APBB2: variants seen among roughly 807,000 people sequenced by gnomAD.
The protein encoded by APBB2 is amyloid beta precursor protein binding family B member 2.
In APBB2, 38 loss-of-function variants were observed where a neutral mutation model predicts 82.5. The observed-to-expected ratio is 0.46, with a 90% confidence interval of 0.36 to 0.60. The LOEUF is 0.60. Ranked by LOEUF, APBB2 falls within the 20% of genes least tolerant of loss-of-function variation. The pLI is 0.00. For synonymous variants in APBB2, 341 were observed against 368.2 expected (o/e 0.93, Z 0.85); for missense variants, 772 against 972.3 (o/e 0.79, Z 2.74).
At chr4:41,194,305 G>A in intron 1 of APBB2, among the ~76,000 whole-genome samples, 1 of 152,324 alleles carries the variant, frequency 6.6e-6, no homozygotes, top group East Asian at 1.9e-4. Context: ...CTGGGCAACA[G>A]AGCGAAACTC....
At chr4:40,824,976 C>G (rs895338345) in intron 15 of APBB2, among the ~76,000 whole-genome samples, 1 of 152,200 alleles carries the variant, frequency 6.6e-6, no homozygotes, top group Non-Finnish European at 1.5e-5. Context: ...AGTATGCAGT[C>G]TTTTGGGACT....
chr4:40,883,002 C>G (rs926665619), intron 12 of APBB2, among the ~76,000 whole-genome samples: 1 of 152,050 alleles, frequency 6.6e-6, no homozygotes, highest in Non-Finnish European at 1.5e-5. Flanking sequence ...AACTTGGAGA[C>G]AAGTCACTTG....
At chr4:40,825,736 G>A (rs1310788696) in intron 15 of APBB2, 151 bp downstream of exon 15, 22 of 652,298 alleles carry the variant, frequency 3.4e-5, no homozygotes, top group East Asian at 1.7e-4. Context: ...GATCAGGACC[G>A]TTTATGTTCT....
chr4:41,033,019 G>A (rs991266090), intron 5 of APBB2, among the ~76,000 whole-genome samples: 14 of 151,696 alleles, frequency 9.2e-5, no homozygotes, highest in South Asian at 6.3e-4. Context: ...TCCTGACCTC[G>A]TGATCCGCCG....
At chr4:41,095,707 C>G (rs1250077096) in intron 3 of APBB2, among the ~76,000 whole-genome samples, 1 of 151,910 alleles carries the variant, frequency 6.6e-6, no homozygotes, top group Non-Finnish European at 1.5e-5. Context: ...ATCTGCTGCT[C>G]ACACGTACAC....
intron 1 of APBB2, among the ~76,000 whole-genome samples, chr4:41,146,112 G>A (rs1203850119): frequency 6.6e-6 from 1 of 152,070 alleles, no homozygotes; most frequent in Non-Finnish European, 1.5e-5. Context: ...GATAACTTGA[G>A]GCCAGGAGTT....
intron 12 of APBB2, among the ~76,000 whole-genome samples, chr4:40,869,938 C>T (rs940175687): frequency 6.6e-6 from 1 of 151,648 alleles, no homozygotes; most frequent in Non-Finnish European, 1.5e-5. Flanking sequence ...TTGTGGGTAT[C>T]TCCTGAAATG....
intron 10 of APBB2, among the ~76,000 whole-genome samples, chr4:40,900,081 G>C (rs1319827808): frequency 1.3e-5 from 2 of 152,232 alleles, no homozygotes; most frequent in African/African-American, 4.8e-5. Flanking sequence ...TTAAGTTACA[G>C]ATGTTAGAAA....
At chr4:40,942,442 T>C (rs558012891) in intron 7 of APBB2, among the ~76,000 whole-genome samples, 98 of 152,210 alleles carry the variant, frequency 6.4e-4, no homozygotes, top group Non-Finnish European at 1.1e-3. Context: ...GTCAGGGAAC[T>C]GGATACATCC....
intron 10 of APBB2, among the ~76,000 whole-genome samples, chr4:40,920,070 G>A (rs1390745291): frequency 6.6e-6 from 1 of 152,112 alleles, no homozygotes; most frequent in Admixed American, 6.5e-5. Flanking sequence ...TGGTTTGGCT[G>A]TGTCCCCACC....
At position 40,863,690 on chromosome 4, in the gene APBB2, C is replaced by T. The variant is rs552064502; in HGVS notation, c.1529+26674G>A. On this transcript the variant is annotated intron_variant, in intron 12 of 17. Coordinates refer to ENST00000508593, the MANE Select transcript of APBB2 (RefSeq NM_004307.2). The stretch of plus-strand genomic sequence containing the variant: ...GACAGATCATTTGAGGTCAGGAGTT[C>T]GAGGCCAGCCTGGCCAACATGGTGA... Among the ~76,000 whole-genome samples, 11 of 151,568 alleles carry T rather than the reference C, an allele frequency of 7.3e-5. 1 individual carries two copies. Among genetic ancestry groups the T allele is most frequent in the Admixed American group, 2.0e-4 (3 of 15,218 alleles).
intron 12 of APBB2, among the ~76,000 whole-genome samples, chr4:40,850,408 G>T (rs1485060535): frequency 6.6e-6 from 1 of 152,190 alleles, no homozygotes; most frequent in Non-Finnish European, 1.5e-5. Context: ...CTGACCTTCT[G>T]CAGGAATTCT....
At chr4:40,973,886 C>T (rs1796534401) in intron 6 of APBB2, among the ~76,000 whole-genome samples, 1 of 149,120 alleles carries the variant, frequency 6.7e-6, no homozygotes, top group Non-Finnish European at 1.5e-5. Flanking sequence ...GAGTCTCACT[C>T]TGTCGCCCAG....
intron 12 of APBB2, among the ~76,000 whole-genome samples, chr4:40,842,133 T>C (rs906860207): frequency 6.6e-6 from 1 of 152,188 alleles, no homozygotes; most frequent in Admixed American, 6.5e-5. Flanking sequence ...ACTCAGCCCA[T>C]CACCTTCCAC....
At chr4:40,890,112 G>A (rs1035073542) in intron 12 of APBB2, among the ~76,000 whole-genome samples, 1 of 152,196 alleles carries the variant, frequency 6.6e-6, no homozygotes, top group Non-Finnish European at 1.5e-5. Context: ...GTCAGGAGAA[G>A]ACACATGCAG....
At chr4:41,041,226 G>C (rs1409788323) in intron 4 of APBB2, among the ~76,000 whole-genome samples, 3 of 152,014 alleles carry the variant, frequency 2.0e-5, no homozygotes, top group African/African-American at 7.3e-5. Context: ...TTTAAAGTCA[G>C]AAAATAAAGC....
At chr4:40,846,553 T>G (rs1291276115) in intron 12 of APBB2, among the ~76,000 whole-genome samples, 1 of 152,144 alleles carries the variant, frequency 6.6e-6, no homozygotes, top group East Asian at 1.9e-4. Flanking sequence ...AGGGAAAGGT[T>G]CTATCCTTCC....
Position 40,825,989 on chromosome 4 carries a change from A to G in APBB2, c.1733-19T>C, listed in dbSNP as rs747666104. The G allele has an allele frequency of 4.4e-6, 7 of 1,601,334 alleles. No individual in the cohort carries two copies. The highest frequency in any genetic ancestry group is 6.0e-6 in the Non-Finnish European group (7 of 1,168,566). The stretch of plus-strand genomic sequence containing the variant: ...AAATCTACTACAGGGAACAAAAGCA[A>G]CACATCTTTCTCAGTGGTTCCAACA... On this transcript the variant is annotated intron_variant, in intron 14 of 17. Transcript: ENST00000508593.
At chr4:41,008,406 T>C (rs1465263226) in intron 6 of APBB2, among the ~76,000 whole-genome samples, 2 of 152,202 alleles carry the variant, frequency 1.3e-5, no homozygotes, top group African/African-American at 4.8e-5. Flanking sequence ...ATTCAACACA[T>C]AAAGTTCATT....
Sources: gnomAD v4.1 joint callset for allele counts (sites outside exome capture counted in the v4.1 genomes callset) on GRCh38, gnomAD v4.1.1 for gene constraint, MANE v1.5 for transcripts, NCBI Gene and HGNC (gene_info 2026-07-23, HGNC 2026-07-21) for gene names.